The following ESCO1 variants were observed in gnomAD, a reference collection of about 807,000 sequenced individuals.
The protein encoded by ESCO1 is establishment of sister chromatid cohesion N-acetyltransferase 1, also known as N-acetyltransferase ESCO1.
A neutral mutation model predicts 83.5 loss-of-function variants in ESCO1; 33 were observed. That is an observed-to-expected ratio of 0.40 (90% CI 0.30 to 0.53). The LOEUF is 0.53. Ranked by LOEUF, ESCO1 falls within the 20% of genes least tolerant of loss-of-function variation. The pLI is 0.63. For synonymous variants in ESCO1, 332 were observed against 324.3 expected (o/e 1.02, Z -0.25); for missense variants, 855 against 968.0 (o/e 0.88, Z 1.55).
Position 21,574,161 on chromosome 18 carries a change from G to A in ESCO1, c.683C>T (p.Pro228Leu), listed in dbSNP as rs1211330421. 3.7e-6 allele frequency: 6 copies of A among 1,613,644 alleles called. No individual in the cohort carries two copies. Among genetic ancestry groups the A allele is most frequent in the Non-Finnish European group, 5.1e-6 (6 of 1,179,994 alleles). The change falls in exon 4 of 12, where the codon CCT becomes CTT. Residue 228 changes from proline to leucine, a missense_variant. By Grantham distance (98) the Pro-to-Leu change is moderately conservative. Transcript: ENST00000269214. ...SQCTQGSEKCPQKTTRRDETK... is the reference protein window; with the variant it reads ...SQCTQGSEKCLQKTTRRDETK... The stretch of plus-strand genomic sequence containing the variant: ...TTCGTCTCTTCTAGTAGTCTTCTGA[G>A]GACACTTTTCAGATCCTTGCGTGCA...
chr18:21,594,821 A>G (rs527342894), intron 1 of ESCO1, among the ~76,000 whole-genome samples: 3 of 152,216 alleles, frequency 2.0e-5, no homozygotes, highest in Non-Finnish European at 4.4e-5. Context: ...ACACAACAGT[A>G]AATTTCAAAT....
At chr18:21,553,626 G>A (rs1217422728) in intron 8 of ESCO1, among the ~76,000 whole-genome samples, 1 of 151,982 alleles carries the variant, frequency 6.6e-6, no homozygotes, top group Non-Finnish European at 1.5e-5. Flanking sequence ...GGAAGGCTGA[G>A]GCGGGCGGAT....
chr18:21,561,026 C>T (rs975707648), intron 7 of ESCO1, 36 bp from the exon 8 acceptor site: 2 of 1,554,420 alleles, frequency 1.3e-6, no homozygotes, highest in Admixed American at 2.0e-5. Context: ...TTTTTTCCTC[C>T]CAAAAGAATT....
intron 2 of ESCO1, among the ~76,000 whole-genome samples, chr18:21,583,414 C>T (rs1055939225): frequency 3.3e-5 from 5 of 151,990 alleles, no homozygotes; most frequent in Non-Finnish European, 7.4e-5. Flanking sequence ...GGGGCCAAGG[C>T]GGGCAGATCA....
chr18:21,576,294 C>T (rs1598472290), intron 2 of ESCO1, among the ~76,000 whole-genome samples: 1 of 152,044 alleles, frequency 6.6e-6, no homozygotes, highest in Non-Finnish European at 1.5e-5. Context: ...AGGTTAAAGC[C>T]AAGAGTTTGT....
chr18:21,554,132 C>T (rs1427658731), intron 8 of ESCO1, among the ~76,000 whole-genome samples: 2 of 152,154 alleles, frequency 1.3e-5, no homozygotes, highest in Non-Finnish European at 2.9e-5. Context: ...ATCCAGAACA[C>T]TGATAACACC....
rs2037743204 is a variant in ESCO1, at chr18:21,529,767, A to G, written c.*576T>C. 1 of 152,236 alleles carries G rather than the reference A, an allele frequency of 6.6e-6. No homozygotes were observed. Among genetic ancestry groups the G allele is most frequent in the South Asian group, 2.1e-4 (1 of 4,826 alleles). The allele number at this position is 152,236 out of a possible 1,614,324, so 9.4% of individuals were successfully genotyped here. A position where few individuals can be genotyped will look rare whatever the true frequency, so the allele number is the denominator to read the frequency against. On this transcript the variant is annotated 3_prime_UTR_variant, in exon 12 of 12. Transcript: ENST00000269214. ...TCAGGAAAAAAAAGCTCAATATTCT[A>G]ATTCTTCCTATTTAGCTGGAGCTTT...
chr18:21,585,845 G>A (rs1040683390), intron 1 of ESCO1, among the ~76,000 whole-genome samples: 2 of 151,868 alleles, frequency 1.3e-5, no homozygotes, highest in Non-Finnish European at 2.9e-5. Context: ...CTCCCACCTC[G>A]GCCTCCCAAA....
At position 21,574,497 on chromosome 18, in the gene ESCO1, T is replaced by A; in HGVS notation, c.347A>T (p.Glu116Val). 6.2e-7 allele frequency: 1 copy of A among 1,614,132 alleles called. No homozygotes were observed. The highest frequency in any genetic ancestry group is 1.3e-5 in the African/African-American group (1 of 75,052). Residue 116 changes from glutamate to valine, a missense_variant, in exon 4 of 12, where the codon GAA (glutamate) becomes GTA (valine). Physicochemically the swap from Glu to Val is moderately radical, Grantham distance 121. Around this residue, in one of 2 missense-constraint regions of ESCO1, gnomAD observed 726 missense variants for 699.5 expected, o/e 1.04. Transcript: ENST00000269214. Reference sequence around the variant, plus strand: ...CCTTTGTGATCTCCGGTTAAGCTGTTCATTTGCTTTAGGGTTTTCATGTAC... The same window carrying A: ...CCTTTGTGATCTCCGGTTAAGCTGTACATTTGCTTTAGGGTTTTCATGTAC... ...KLVHENPKAN[E>V]QLNRRSQRLQ...
At chr18:21,566,328 A>G (rs2038259767) in intron 5 of ESCO1, 122 bp from the exon 6 acceptor site, 2 of 828,978 alleles carry the variant, frequency 2.4e-6, no homozygotes, top group Non-Finnish European at 3.8e-6. Flanking sequence ...TATTTTTAAT[A>G]AAGACCATCT....
chr18:21,573,423 T>A lies in ESCO1; in HGVS notation c.1421A>T (p.Lys474Ile). The A allele has an allele frequency of 3.7e-6, 6 of 1,612,100 alleles. No homozygotes were observed. Among genetic ancestry groups the A allele is most frequent in the Non-Finnish European group, 5.1e-6 (6 of 1,179,532 alleles). The change falls in exon 4 of 12, where the codon AAA (lysine) becomes ATA (isoleucine). Residue 474 changes from lysine to isoleucine, a missense_variant. Coordinates refer to ENST00000269214, the MANE Select transcript of ESCO1 (RefSeq NM_052911.3). ...ATTTTCAGGAGCCCTTTCTGTGGTT[T>A]TATTAATTTCTACTGTAATATCATT... ...KINDITVEINKTTERAPENCH... is the reference protein window; with the variant it reads ...KINDITVEINITTERAPENCH...
chr18:21,562,137 C>T lies in ESCO1; in HGVS notation c.1822-1147G>A, dbSNP rs560408487. The stretch of plus-strand genomic sequence containing the variant: ...TCAGGTGATCCACCTGCCTCGGCCT[C>T]CCAAAGTGCTAGGATTACAGGCATG... On this transcript the variant is annotated intron_variant, in intron 7 of 11. Transcript: ENST00000269214. Among the ~76,000 whole-genome samples the T allele has an allele frequency of 8.5e-5, 13 of 152,250 alleles. No individual in the cohort carries two copies. In the East Asian group the frequency reaches 2.5e-3, roughly 30 times the overall value.
intron 7 of ESCO1, 129 bp from the exon 8 acceptor site, chr18:21,561,119 A>T (rs1598463672): frequency 1.2e-6 from 1 of 851,600 alleles, no homozygotes; most frequent in Non-Finnish European, 1.6e-6. Context: ...TTCAATGTTA[A>T]TTACTAAAAA....
chr18:21,564,397 CT>C (rs375031583), intron 6 of ESCO1, 80 bp from the exon 7 acceptor site: 25,250 of 746,250 alleles, frequency 0.034, no homozygotes, highest in East Asian at 0.049. Context: ...AACTTATTTT[CT>C]TTTTTTTTTT....
At chr18:21,556,033 T>C (rs562626585) in intron 8 of ESCO1, among the ~76,000 whole-genome samples, 8 of 152,022 alleles carry the variant, frequency 5.3e-5, no homozygotes, top group Admixed American at 1.3e-4. Context: ...GGTAGGCAGA[T>C]AGCTTGAGCT....
intron 6 of ESCO1, among the ~76,000 whole-genome samples, chr18:21,565,509 A>G (rs547293262): frequency 6.6e-6 from 1 of 152,360 alleles, no homozygotes; most frequent in Non-Finnish European, 1.5e-5. Flanking sequence ...CAAGTAAGCA[A>G]AGATACATGT....
chr18:21,567,955 C>T, intron 5 of ESCO1, 25 bp downstream of exon 5: 1 of 1,552,406 alleles, frequency 6.4e-7, no homozygotes, highest in Non-Finnish European at 8.8e-7. Context: ...ACTATGAAAT[C>T]CAAATAATAT....
chr18:21,551,363 G>A (rs1368361423), intron 8 of ESCO1, among the ~76,000 whole-genome samples: 1 of 150,712 alleles, frequency 6.6e-6, no homozygotes, highest in Non-Finnish European at 1.5e-5. Context: ...CCTGGGAGGC[G>A]GAGCTTGTAG....
chr18:21,555,372 T>C (rs2038100112), intron 8 of ESCO1, among the ~76,000 whole-genome samples: 4 of 152,166 alleles, frequency 2.6e-5, no homozygotes, highest in Admixed American at 2.6e-4. Flanking sequence ...ACCCACAGAA[T>C]ATACAAGAAA....
Sources: allele counts gnomAD v4.1 joint callset (sites outside exome capture counted in the v4.1 genomes callset), GRCh38; gene constraint gnomAD v4.1.1; regional missense constraint gnomAD v4.1.1; transcripts MANE v1.5; gene names NCBI Gene and HGNC (gene_info 2026-07-23, HGNC 2026-07-21).